Variants in SUSD2 observed in about 807,000 individuals in gnomAD.
SUSD2 encodes sushi domain containing 2, also known as sushi domain-containing protein 2.
A neutral mutation model predicts 93.8 loss-of-function variants in SUSD2; 86 were observed. The ratio of observed to expected loss-of-function variants is 0.92; its 90% CI spans 0.77 to 1.10. SUSD2 has a LOEUF of 1.10. SUSD2 is among the 50% of genes least tolerant of loss of function. SUSD2 has a pLI of 0.00. For missense variants in SUSD2, 1,060 were observed against 1,137.0 expected, an observed-to-expected ratio of 0.93 and a Z score of 0.97; for synonymous variants, 483 against 485.0, an observed-to-expected ratio of 1.00 and a Z score of 0.05.
Position 24,188,436 on chromosome 22 carries a change from A to G in SUSD2, c.2469A>G (p.Ter823TrpextTer36). The G allele has an allele frequency of 6.2e-7, 1 of 1,610,108 alleles. No homozygotes were observed. The highest frequency in any genetic ancestry group is 2.2e-5 in the East Asian group (1 of 44,850). Residue 823 changes from the stop codon to tryptophan (W), a stop_lost, in exon 15 of 15, where the codon TGA becomes TGG. Transcript: ENST00000358321. This position sits in a 1 kb window ranked among gnomAD's most constrained non-coding sequence, Gnocchi z 4.7. ...GGCACGTCTGGGGTGCACAGCCCTG[A>G]TGGGAGCAGCTTGGCTGTGAGCACC... ...GNTHVWGAQP[*>W]
At chr22:24,182,772 C>T in intron 1 of SUSD2, 1 of 401,814 alleles carries the variant, frequency 2.5e-6, no homozygotes. Flanking sequence ...AGGGGCTTCT[C>T]CTGACCCTGC....
chr22:24,185,973 G>T, intron 8 of SUSD2, 43 bp from the exon 9 acceptor site: 1 of 1,579,764 alleles, frequency 6.3e-7, no homozygotes, highest in Non-Finnish European at 8.6e-7. Context: ...AGATCGGGCT[G>T]GGCTGGGGTG....
intron 10 of SUSD2, 70 bp from the exon 11 acceptor site, chr22:24,187,132 T>C (rs1019438326): frequency 1.9e-5 from 30 of 1,558,140 alleles, no homozygotes; most frequent in Non-Finnish European, 2.4e-5. Flanking sequence ...CCGACCACCC[T>C]GTCCTGGGGC....
rs768434646 is a variant in SUSD2 at position 24,185,312 on chromosome 22, G to A, written c.984+17G>A. ...CGCTTCTTCGTGAGCCTCCCATCAG[G>A]GCCCAGGAGAGGGGATGAGGGGTTA... On this transcript the variant is annotated intron_variant, in intron 6 of 14. Transcript: ENST00000358321. 6.2e-7 allele frequency: 1 copy of A among 1,600,658 alleles called. No individual in the cohort carries two copies. The highest frequency in any genetic ancestry group is 8.5e-7 in the Non-Finnish European group (1 of 1,178,492).
Position 24,186,430 on chromosome 22 carries a change from C to T in SUSD2, c.1642+15C>T. 6.2e-7 allele frequency: 1 copy of T among 1,611,712 alleles called. No individual in the cohort carries two copies. Among genetic ancestry groups the T allele is most frequent in the Non-Finnish European group, 8.5e-7 (1 of 1,179,400 alleles). On this transcript the variant is annotated intron_variant, in intron 10 of 14. Coordinates refer to ENST00000358321, the MANE Select transcript of SUSD2 (RefSeq NM_019601.4). ...GGACCTGAAAGGTGAGCAGTCCAGC[C>T]ACGCGAGGCTGCGGGCTGCCCTCAC...
chr22:24,185,080 C>G lies in SUSD2; in HGVS notation c.783-14C>G. On this transcript the variant is annotated splice_polypyrimidine_tract_variant and intron_variant, in intron 5 of 14. Transcript: ENST00000358321. ...GTGTGGGCTGGCCCAGCTCCAGCAT[C>G]ATCACCTCCACAGGGACGTGCAGGC... is the stretch of plus-strand genomic sequence containing the variant. 6.2e-7 allele frequency: 1 copy of G among 1,612,856 alleles called. No homozygotes were observed. The highest frequency in any genetic ancestry group is 8.5e-7 in the Non-Finnish European group (1 of 1,179,692).
At position 24,187,585 on chromosome 22, in the gene SUSD2, G is replaced by A. The variant is rs779091820; in HGVS notation, c.1906G>A (p.Ala636Thr). The change falls in exon 12 of 15, where the codon GCG becomes ACG. Residue 636 changes from alanine to threonine, a missense_variant. By Grantham distance (58) the Ala-to-Thr change is moderately conservative (BLOSUM62 0). Around this residue, in one of 2 missense-constraint regions of SUSD2, gnomAD observed 973 missense variants for 1,005.3 expected, o/e 0.97. Transcript: ENST00000358321. ...GTATCTTCCAGGGACCGTGCACAAT[G>A]CGTCCTCCCTGCTCACCTACGATTC... ...LFGANWTVHN[A>T]SSLLTYDSWF... 6.2e-7 allele frequency: 1 copy of A among 1,612,832 alleles called. No individual in the cohort carries two copies. The highest frequency in any genetic ancestry group is 8.5e-7 in the Non-Finnish European group (1 of 1,179,168).
chr22:24,186,894 AG>A, intron 10 of SUSD2: 1 of 499,406 alleles, frequency 2.0e-6, no homozygotes, highest in Non-Finnish European at 3.7e-6. Flanking sequence ...CTGAGGGTTC[AG>A]GGACCCTCGG....
chr22:24,185,086 C>T lies in SUSD2; in HGVS notation c.783-8C>T, dbSNP rs372398611. 1.2e-4 allele frequency: 190 copies of T among 1,612,888 alleles called. No individual in the cohort carries two copies. Among genetic ancestry groups the T allele is most frequent in the Non-Finnish European group, 1.5e-4 (175 of 1,179,822 alleles). ...GCTGGCCCAGCTCCAGCATCATCAC[C>T]TCCACAGGGACGTGCAGGCGCTCTG... On this transcript the variant is annotated splice_region_variant and splice_polypyrimidine_tract_variant and intron_variant, in intron 5 of 14. Transcript: ENST00000358321.
rs747199021 is a variant in SUSD2, at chr22:24,183,247, A to C, written c.267A>C (p.Thr89=). The C allele has an allele frequency of 6.2e-7, 1 of 1,613,374 alleles. No individual in the cohort carries two copies. Among genetic ancestry groups the C allele is most frequent in the Non-Finnish European group, 8.5e-7 (1 of 1,179,760 alleles). The part of the protein sequence containing the change: ...VVRHFKMSSP[T]DASVICRFKD... Reference sequence around the variant, plus strand: ...GGCACTTCAAGATGTCCAGCCCCACAGACGCCAGTGTGATCTGCAGGTTGG... The same window carrying C: ...GGCACTTCAAGATGTCCAGCCCCACCGACGCCAGTGTGATCTGCAGGTTGG... The change falls in exon 2 of 15, where the codon ACA becomes ACC. Residue 89 remains threonine, a synonymous_variant. Coordinates refer to ENST00000358321, the MANE Select transcript of SUSD2 (RefSeq NM_019601.4).
Position 24,185,239 on chromosome 22 carries a change from C to T in SUSD2, c.928C>T (p.Leu310=), listed in dbSNP as rs3752497. ...TCAGCTGCCCAACTTCCTGGAGGAG[C>T]TGCCGGACTGCCCCTGCACCCTGAC... The part of the protein sequence containing the change: ...EDQLPNFLEE[L]PDCPCTLTQA... Residue 310 remains leucine, a synonymous_variant, in exon 6 of 15, where the codon CTG becomes TTG. Coordinates refer to ENST00000358321, the MANE Select transcript of SUSD2 (RefSeq NM_019601.4). 0.067 allele frequency: 107,143 copies of T among 1,607,874 alleles called. 3,980 individuals carry two copies. The highest frequency in any genetic ancestry group is 0.11 in the South Asian group (9,960 of 91,004).
Position 24,188,072 on chromosome 22 carries a change from G to A in SUSD2, c.2278G>A (p.Ala760Thr). 1.9e-6 allele frequency: 3 copies of A among 1,612,828 alleles called. No individual in the cohort carries two copies. Among genetic ancestry groups the A allele is most frequent in the Non-Finnish European group, 8.5e-7 (1 of 1,179,902 alleles). ...HCDNGYSLAG[A>T]ETSTCQADGT... is the part of the protein sequence containing the mutation. ...TGACAACGGCTACAGCCTGGCCGGG[G>A]CAGAGACCAGCACCTGCCAGGCTGA... Residue 760 changes from alanine to threonine, a missense_variant, in exon 13 of 15, where the codon GCA (alanine) becomes ACA (threonine). This residue lies in a region of SUSD2 where 973 missense variants were observed against 1,005.3 expected (regional missense o/e 0.97). Coordinates refer to ENST00000358321, the MANE Select transcript of SUSD2 (RefSeq NM_019601.4). The surrounding 1 kb of genome is among the most constrained non-coding windows in gnomAD (Gnocchi z 4.7).
chr22:24,183,796 C>T, intron 3 of SUSD2, 150 bp downstream of exon 3: 1 of 868,106 alleles, frequency 1.2e-6, no homozygotes, highest in Non-Finnish European at 1.7e-6. Flanking sequence ...GTTCCTTCAG[C>T]TCCTTTCCAC....
Position 24,183,235 on chromosome 22 carries a change from G to T in SUSD2, c.255G>T (p.Met85Ile). The change falls in exon 2 of 15, where the codon ATG (methionine) becomes ATT (isoleucine). Residue 85 changes from methionine to isoleucine, a missense_variant. Physicochemically the swap from Met to Ile is conservative, Grantham distance 10 (BLOSUM62 1). Coordinates refer to ENST00000358321, the MANE Select transcript of SUSD2 (RefSeq NM_019601.4). Reference protein sequence around the residue: ...GKDFVVRHFKMSSPTDASVIC... With the variant: ...GKDFVVRHFKISSPTDASVIC... ...ACTTTGTGGTGCGGCACTTCAAGAT[G>T]TCCAGCCCCACAGACGCCAGTGTGA... 1 of 1,613,654 alleles carries T rather than the reference G, an allele frequency of 6.2e-7. No homozygotes were observed. Among genetic ancestry groups the T allele is most frequent in the Non-Finnish European group, 8.5e-7 (1 of 1,179,836 alleles).
intron 1 of SUSD2, chr22:24,182,714 C>A: frequency 4.0e-6 from 1 of 252,324 alleles, no homozygotes; most frequent in Non-Finnish European, 7.7e-6. Context: ...CACTGAGGAC[C>A]CCTGCCTGTG....
rs151329251 is a variant in SUSD2, at chr22:24,185,666, G to A, written c.1076G>A (p.Arg359Gln). Residue 359 changes from arginine (R) to glutamine (Q), a missense_variant, in exon 8 of 15, where the codon CGG (arginine) becomes CAG (glutamine). Physicochemically the swap from Arg to Gln is conservative, Grantham distance 43. Transcript: ENST00000358321. ...TGACTCACTGGCTCCTGCAGCCTCC[G>A]GTACGGCTCAGGTCAGCAGTGCTGC... is the stretch of plus-strand genomic sequence containing the variant. ...HCVRSVQASL[R>Q]YGSGQQCCYT... is the part of the protein sequence containing the mutation. 3.8e-4 allele frequency: 606 copies of A among 1,609,256 alleles called. 12 individuals are homozygous for A. In the South Asian group the frequency reaches 5.3e-3, roughly 14 times the overall value.
chr22:24,187,476 C>A (rs1357026993), intron 11 of SUSD2, 26 bp downstream of exon 11: 1 of 1,609,356 alleles, frequency 6.2e-7, no homozygotes, highest in African/African-American at 1.3e-5. Flanking sequence ...GTATATGGGG[C>A]AGACGGGGTG....
In SUSD2 at chr22:24,186,764, C is replaced by T. The variant is rs141600785; in HGVS notation, c.1642+349C>T. ...CCACTGCAAGGTCTCCAGCCCTGCACGGTTAAGGATGCCCCTGGCAAGTGG... is the reference window on the plus strand; with the variant it reads ...CCACTGCAAGGTCTCCAGCCCTGCATGGTTAAGGATGCCCCTGGCAAGTGG... On this transcript the variant is annotated intron_variant, in intron 10 of 14. Coordinates refer to ENST00000358321, the MANE Select transcript of SUSD2 (RefSeq NM_019601.4). The T allele has an allele frequency of 3.1e-4, 128 of 415,836 alleles. No individual in the cohort carries two copies. The East Asian group carries it at 5.5e-3, about 18-fold the overall frequency. 25.8% of individuals were successfully genotyped at this position (415,836 alleles called of 1,614,324 possible).
rs752476856 is a variant in SUSD2 at position 24,185,657 on chromosome 22, G to A, written c.1071-4G>A. 1.2e-6 allele frequency: 2 copies of A among 1,608,228 alleles called. No individual in the cohort carries two copies. Among genetic ancestry groups the A allele is most frequent in the East Asian group, 2.2e-5 (1 of 44,756 alleles). ...GCCTGGCCCTGACTCACTGGCTCCT[G>A]CAGCCTCCGGTACGGCTCAGGTCAG... On this transcript the variant is annotated splice_region_variant and splice_polypyrimidine_tract_variant and intron_variant, in intron 7 of 14. Coordinates refer to ENST00000358321, the MANE Select transcript of SUSD2 (RefSeq NM_019601.4).
Sources: gnomAD v4.1 joint callset for allele counts on GRCh38, gnomAD v4.1.1 for gene constraint, gnomAD v4.1.1 regional missense constraint, Gnocchi (gnomAD v3.1) non-coding constraint, MANE v1.5 for transcripts, NCBI Gene and HGNC (gene_info 2026-07-23, HGNC 2026-07-21) for gene names.